Variants in GRXCR2 observed in about 807,000 individuals in gnomAD.
The protein encoded by GRXCR2 is glutaredoxin domain-containing cysteine-rich protein 2.
A neutral mutation model predicts 24.8 loss-of-function variants in GRXCR2; 23 were observed. The ratio of observed to expected loss-of-function variants is 0.93; its 90% CI spans 0.67 to 1.32. GRXCR2 has a LOEUF of 1.32. GRXCR2 is among the 40% of genes most tolerant of loss of function. The pLI, the probability that GRXCR2 is intolerant of heterozygous loss-of-function variation, is 0.00. For synonymous variants in GRXCR2, 130 were observed against 116.1 expected (o/e 1.12, Z -0.77); for missense variants, 315 against 303.4 (o/e 1.04, Z -0.28).
intron 2 of GRXCR2, among the ~76,000 whole-genome samples, chr5:145,916,999 A>G (rs747074179): frequency 2.6e-5 from 4 of 152,144 alleles, no homozygotes; most frequent in Non-Finnish European, 5.9e-5. Flanking sequence ...CAGAAAACAT[A>G]CAAATCATGC....
intron 2 of GRXCR2, among the ~76,000 whole-genome samples, chr5:145,912,644 G>A (rs1228479343): frequency 6.6e-6 from 1 of 152,192 alleles, no homozygotes; most frequent in Admixed American, 6.5e-5. Flanking sequence ...AGCTACTGTG[G>A]AGTGGGTGGG....
chr5:145,921,006 G>A (rs527254752), intron 2 of GRXCR2, among the ~76,000 whole-genome samples: 37 of 152,334 alleles, frequency 2.4e-4, no homozygotes, highest in Admixed American at 2.0e-3. Context: ...CCAGAACTAT[G>A]AGCAATAAAT....
At chr5:145,879,344 G>A (rs1394910143) in intron 2 of GRXCR2, among the ~76,000 whole-genome samples, 1 of 143,976 alleles carries the variant, frequency 6.9e-6, no homozygotes, top group Non-Finnish European at 1.5e-5. Flanking sequence ...AAGGGATGGA[G>A]GAAGATCTAC....
At chr5:145,871,237 A>G (rs1048340627) in intron 1 of GRXCR2, among the ~76,000 whole-genome samples, 5 of 152,220 alleles carry the variant, frequency 3.3e-5, no homozygotes, top group Non-Finnish European at 5.9e-5. Context: ...AAAAAGAAAT[A>G]GTATAAGTAC....
At position 145,859,386 on chromosome 5, in the gene GRXCR2, A is replaced by C; in HGVS notation, c.*347T>G. ...TCCTTTCTCACCACATAATTTTGCA[A>C]AATAACTCCCAACCTGATGCCTGAA... On this transcript the variant is annotated 3_prime_UTR_variant, in exon 3 of 3. Coordinates refer to ENST00000377976, the MANE Select transcript of GRXCR2 (RefSeq NM_001080516.2). 8.7e-6 allele frequency: 2 copies of C among 231,134 alleles called. No homozygotes were observed. 14.3% of individuals were successfully genotyped at this position (231,134 alleles called of 1,614,324 possible). A position where few individuals can be genotyped will look rare whatever the true frequency, so the allele number is the denominator to read the frequency against.
At chr5:145,888,333 G>C (rs1421087560) in intron 2 of GRXCR2, among the ~76,000 whole-genome samples, 2 of 152,158 alleles carry the variant, frequency 1.3e-5, no homozygotes, top group Admixed American at 1.3e-4. Flanking sequence ...GGCTACAGCA[G>C]CAACCCAAAC....
chr5:145,891,647 C>T (rs944952020), intron 2 of GRXCR2, among the ~76,000 whole-genome samples: 16 of 152,100 alleles, frequency 1.1e-4, no homozygotes, highest in East Asian at 3.9e-4. Flanking sequence ...AGCTCGAACT[C>T]GGTGGAGCCC....
At chr5:145,892,016 C>A (rs1379107836) in intron 2 of GRXCR2, among the ~76,000 whole-genome samples, 1 of 152,192 alleles carries the variant, frequency 6.6e-6, no homozygotes, top group Non-Finnish European at 1.5e-5. Context: ...GATACCCAGG[C>A]AAACAGGGTC....
At chr5:145,873,636 G>A (rs1395177681), upstream of GRXCR2, among the ~76,000 whole-genome samples, 1 of 152,200 alleles carries the variant, frequency 6.6e-6, no homozygotes, top group East Asian at 1.9e-4. Flanking sequence ...AAGAGGGAAT[G>A]ACGTCCTAGA....
rs528452194 is a variant in GRXCR2 at position 145,903,974 on chromosome 5, A to G, written c.-70+31727T>C. Among the ~76,000 whole-genome samples the G allele has an allele frequency of 1.3e-3, 202 of 152,318 alleles. 1 individual carries two copies. Among genetic ancestry groups the G allele is most frequent in the African/African-American group, 4.4e-3 (182 of 41,582 alleles). On this transcript the variant is annotated intron_variant, in intron 2 of 3. Coordinates refer to the GRXCR2 transcript ENST00000639411. ...CTGAGGTCCCAAATGTTGACTGTAA[A>G]TACTCCTCTCTGATGAAAATTTCAC...
At chr5:145,931,300 G>A (rs1757474353) in intron 2 of GRXCR2, among the ~76,000 whole-genome samples, 1 of 152,126 alleles carries the variant, frequency 6.6e-6, no homozygotes, top group South Asian at 2.1e-4. Context: ...CCAAAGCGCT[G>A]GAATTACAGG....
At position 145,866,639 on chromosome 5, in the gene GRXCR2, C is replaced by T. The variant is rs144617184; in HGVS notation, c.426G>A (p.Val142=). 11 of 1,613,874 alleles carry T rather than the reference C, an allele frequency of 6.8e-6. No individual in the cohort carries two copies. The highest frequency in any genetic ancestry group is 4.5e-5 in the East Asian group (2 of 44,884). Residue 142 remains valine, a synonymous_variant, in exon 2 of 3, where the codon GTG becomes GTA. Transcript: ENST00000377976. ...CCTCTTCCTTCTGGAGAATTTTCCT[C>T]ACAAAATCTCTCTTGTCCATTGGGG... ...IRTPMDKRDF[V]RKILQKEEEA...
intron 2 of GRXCR2, among the ~76,000 whole-genome samples, chr5:145,901,985 T>G (rs1757032005): frequency 6.6e-6 from 1 of 152,184 alleles, no homozygotes. Context: ...CTCATGGTAT[T>G]CATGGAGGGA....
chr5:145,876,578 A>G (rs969508818), upstream of GRXCR2, among the ~76,000 whole-genome samples: 6 of 152,202 alleles, frequency 3.9e-5, no homozygotes, highest in Non-Finnish European at 7.3e-5. Context: ...TGACTTCCAC[A>G]ACTACTTGTC....
intron 2 of GRXCR2, among the ~76,000 whole-genome samples, chr5:145,919,524 A>G (rs1311009233): frequency 1.3e-5 from 2 of 152,142 alleles, no homozygotes; most frequent in African/African-American, 4.8e-5. Context: ...CCTGAGTTGC[A>G]AGGGTTTGCA....
At chr5:145,884,960 C>T (rs1756757562) in intron 2 of GRXCR2, among the ~76,000 whole-genome samples, 1 of 152,090 alleles carries the variant, frequency 6.6e-6, no homozygotes, top group Non-Finnish European at 1.5e-5. Context: ...AAGAAATGTG[C>T]AATTATTGCA....
intron 2 of GRXCR2, among the ~76,000 whole-genome samples, chr5:145,892,211 T>C (rs948135461): frequency 6.6e-6 from 1 of 152,086 alleles, no homozygotes; most frequent in Non-Finnish European, 1.5e-5. Context: ...CTGGAAACTC[T>C]AAAAATCAGA....
At chr5:145,914,786 G>C (rs1174941434) in intron 2 of GRXCR2, among the ~76,000 whole-genome samples, 2 of 98,844 alleles carry the variant, frequency 2.0e-5, no homozygotes, top group Admixed American at 1.1e-4. Flanking sequence ...GAGTGGTCAA[G>C]AAAAAAGGCC....
At chr5:145,891,508 T>C (rs192603080) in intron 2 of GRXCR2, among the ~76,000 whole-genome samples, 2,173 of 152,122 alleles carry the variant, frequency 0.014, 55 homozygotes, top group African/African-American at 0.05. Context: ...GCTCGGAGGG[T>C]CCTACGCCCA....
Sources: allele counts gnomAD v4.1 joint callset (sites outside exome capture counted in the v4.1 genomes callset), GRCh38; gene constraint gnomAD v4.1.1; transcripts MANE v1.5; gene names NCBI Gene and HGNC (gene_info 2026-07-23, HGNC 2026-07-21).